Variants in DGKB observed in about 807,000 individuals in gnomAD.
DGKB encodes 90 kDa diacylglycerol kinase.
DGKB carries 67 observed loss-of-function variants against 114.3 expected under a neutral mutation model. The ratio of observed to expected loss-of-function variants is 0.59; its 90% CI spans 0.48 to 0.72. DGKB has a LOEUF of 0.72. Ranked by LOEUF, DGKB falls within the 30% of genes least tolerant of loss-of-function variation. DGKB has a pLI of 0.00. For synonymous variants in DGKB, 398 were observed against 323.1 expected (o/e 1.23, Z -2.49); for missense variants, 907 against 975.2 (o/e 0.93, Z 0.93).
chr7:14,831,626 G>C (rs568123098), intron 2 of DGKB, among the ~76,000 whole-genome samples: 33 of 152,072 alleles, frequency 2.2e-4, no homozygotes, highest in African/African-American at 5.5e-4. Flanking sequence ...TGAGGTACAT[G>C]CTGTTTGCTA....
At chr7:14,962,606 A>C (rs1786912231) in intron 1 of DGKB, among the ~76,000 whole-genome samples, 1 of 151,008 alleles carries the variant, frequency 6.6e-6, no homozygotes, top group South Asian at 2.1e-4. Flanking sequence ...AGTGCTTTGT[A>C]AATAGCTATA....
intron 23 of DGKB, among the ~76,000 whole-genome samples, chr7:14,285,485 A>C (rs1303455590): frequency 6.6e-6 from 1 of 152,204 alleles, no homozygotes; most frequent in African/African-American, 2.4e-5. Flanking sequence ...GAGTGAAGAC[A>C]AAAAAGCCTA....
intron 1 of DGKB, among the ~76,000 whole-genome samples, chr7:14,922,492 G>A (rs773095817): frequency 1.3e-5 from 2 of 151,400 alleles, no homozygotes; most frequent in Non-Finnish European, 2.9e-5. Flanking sequence ...AGATAGTGCC[G>A]TCACTCAAAG....
chr7:14,580,944 G>T lies in DGKB; in HGVS notation c.1527C>A (p.Ala509=). The T allele has an allele frequency of 4.4e-6, 7 of 1,594,832 alleles. No individual in the cohort carries two copies. The South Asian group carries it at 8.0e-5, about 18-fold the overall frequency. Residue 509 remains alanine, a synonymous_variant, in exon 19 of 26, where the codon GCC becomes GCA. Coordinates refer to ENST00000402815, the MANE Select transcript of DGKB (RefSeq NM_001350709.2). ...VGWVLDCIEK[A]NVGKHPPVAI... is the part of the protein sequence containing the mutation. Reference sequence around the variant, plus strand: ...CAACTGGAGGATGCTTGCCTACATTGGCCTTTTCTGCAGAATAAAAAAAAA... The same window carrying T: ...CAACTGGAGGATGCTTGCCTACATTTGCCTTTTCTGCAGAATAAAAAAAAA...
At chr7:14,279,232 C>A (rs1021981386) in intron 23 of DGKB, among the ~76,000 whole-genome samples, 1 of 121,628 alleles carries the variant, frequency 8.2e-6, no homozygotes, top group African/African-American at 6.3e-5. Flanking sequence ...GAGGGTCCTA[C>A]CCCCACGGAG....
chr7:14,891,764 C>A (rs1284954620), intron 1 of DGKB, among the ~76,000 whole-genome samples: 1 of 151,358 alleles, frequency 6.6e-6, no homozygotes, highest in Non-Finnish European at 1.5e-5. Flanking sequence ...ACTTATCTCT[C>A]TTTTCATAAG....
chr7:14,696,309 C>T (rs570522982), intron 8 of DGKB, among the ~76,000 whole-genome samples: 8 of 151,060 alleles, frequency 5.3e-5, no homozygotes, highest in East Asian at 2.0e-4. Context: ...CTGGCTAACA[C>T]GGTGAAACCC....
intron 5 of DGKB, among the ~76,000 whole-genome samples, chr7:14,735,112 A>T (rs1831516887): frequency 1.3e-5 from 2 of 152,192 alleles, no homozygotes; most frequent in African/African-American, 4.8e-5. Context: ...GTCCACACCA[A>T]CAAAAGCACA....
At chr7:14,789,107 A>G (rs370263304) in intron 2 of DGKB, among the ~76,000 whole-genome samples, 4 of 152,002 alleles carry the variant, frequency 2.6e-5, no homozygotes, top group Non-Finnish European at 2.9e-5. Context: ...TTGAAATTTG[A>G]GATAACTGCA....
rs12669149 is a variant in DGKB, at chr7:14,778,291, C to T, written c.71-20560G>A. On this transcript the variant is annotated intron_variant, in intron 2 of 25. Transcript: ENST00000402815. ...GAGCAATCTCAAGGCTTTTCCAGTT[C>T]TAAAACATTCCCTGTATGCTATATT... Among the ~76,000 whole-genome samples, 316 of 152,216 alleles carry T rather than the reference C, an allele frequency of 2.1e-3. 8 individuals are homozygous for T. The East Asian group carries it at 0.058, about 28-fold the overall frequency.
chr7:14,773,743 G>A (rs564973292), intron 2 of DGKB, among the ~76,000 whole-genome samples: 11 of 152,170 alleles, frequency 7.2e-5, no homozygotes, highest in African/African-American at 2.2e-4. Context: ...CTTTTGCTGT[G>A]GGCAAAAGCT....
chr7:14,432,993 T>A (rs567178821), intron 21 of DGKB, among the ~76,000 whole-genome samples: 1 of 152,292 alleles, frequency 6.6e-6, no homozygotes, highest in South Asian at 2.1e-4. Flanking sequence ...AAGAGCATGG[T>A]GGAGTGGATG....
intron 23 of DGKB, among the ~76,000 whole-genome samples, chr7:14,232,328 G>A (rs1045897999): frequency 6.6e-6 from 1 of 150,678 alleles, no homozygotes; most frequent in African/African-American, 2.4e-5. Flanking sequence ...GCAAAAGGCT[G>A]CCCTGCTCGA....
intron 21 of DGKB, among the ~76,000 whole-genome samples, chr7:14,365,579 T>G (rs1333490074): frequency 1.3e-5 from 2 of 152,062 alleles, no homozygotes; most frequent in Admixed American, 6.6e-5. Flanking sequence ...TATTAATCAT[T>G]ATATTTTTAG....
chr7:14,910,647 A>G (rs1344713661), intron 1 of DGKB, among the ~76,000 whole-genome samples: 1 of 152,176 alleles, frequency 6.6e-6, no homozygotes, highest in Non-Finnish European at 1.5e-5. Context: ...AGAAGTACAA[A>G]GAACTTAACT....
intron 21 of DGKB, among the ~76,000 whole-genome samples, chr7:14,427,230 AG>A (rs1827715777): frequency 6.6e-6 from 1 of 152,102 alleles, no homozygotes; most frequent in Non-Finnish European, 1.5e-5. Flanking sequence ...CGTCCTGAAC[AG>A]GGGCAAAATG....
intron 1 of DGKB, among the ~76,000 whole-genome samples, chr7:14,857,258 T>TTGTGTGTGTGTGTGTGTGTG (rs140695633): frequency 0.1 from 14,135 of 138,164 alleles, 857 homozygotes; most frequent in South Asian, 0.16. Flanking sequence ...CTGTGTGTGT[T>TTGTGTGTGTGTGTGTGTGTG]TGTGTGTGTG....
chr7:14,600,476 A>T (rs1280170534), intron 17 of DGKB, among the ~76,000 whole-genome samples: 2 of 152,192 alleles, frequency 1.3e-5, no homozygotes, highest in South Asian at 2.1e-4. Context: ...TCAACTAAAA[A>T]GTCTAAAGTC....
intron 20 of DGKB, among the ~76,000 whole-genome samples, chr7:14,497,555 C>A (rs753563793): frequency 4.6e-5 from 7 of 151,774 alleles, no homozygotes; most frequent in Non-Finnish European, 1.0e-4. Flanking sequence ...TCCCTATATT[C>A]CTCAGTGTGC....
Sources: allele counts gnomAD v4.1 joint callset (sites outside exome capture counted in the v4.1 genomes callset), GRCh38; gene constraint gnomAD v4.1.1; transcripts MANE v1.5; gene names NCBI Gene and HGNC (gene_info 2026-07-23, HGNC 2026-07-21).